IGFBP2: variants seen among roughly 807,000 people sequenced by gnomAD.
The protein encoded by IGFBP2 is insulin-like growth factor-binding protein 2.
Under a neutral mutation model 26.2 loss-of-function variants are expected in IGFBP2, and 12 were observed. The observed-to-expected ratio is 0.46, with a 90% CI of 0.29 to 0.74. IGFBP2 has a LOEUF of 0.74. Among genes scored for constraint, IGFBP2 ranks in the 30% least tolerant of loss-of-function variants. IGFBP2 has a pLI of 0.09. For synonymous variants in IGFBP2, 189 were observed against 200.6 expected (o/e 0.94, Z 0.49); for missense variants, 328 against 441.2 (o/e 0.74, Z 2.30).
Position 216,661,977 on chromosome 2 carries a change from T to A in IGFBP2, c.792T>A (p.His264Gln). 2 of 1,614,190 alleles carry A rather than the reference T, an allele frequency of 1.2e-6. No individual in the cohort carries two copies. The stretch of plus-strand genomic sequence containing the variant: ...TGCACATCCCCAACTGTGACAAGCA[T>A]GGCCTGTACAACCTCAAACAGGTGA... ...YSLHIPNCDKHGLYNLKQCKM... is the reference protein window; with the variant it reads ...YSLHIPNCDKQGLYNLKQCKM... The change falls in exon 3 of 4, where the codon CAT (histidine) becomes CAA (glutamine). Residue 264 changes from histidine (H) to glutamine (Q), a missense_variant. Transcript: ENST00000233809.
At chr2:216,644,981 A>G (rs895850115) in intron 1 of IGFBP2, among the ~76,000 whole-genome samples, 2 of 152,220 alleles carry the variant, frequency 1.3e-5, no homozygotes, top group Non-Finnish European at 2.9e-5. Flanking sequence ...AGTAGTAATT[A>G]AGGCATATCT....
At chr2:216,660,860 C>A in intron 2 of IGFBP2, 74 bp downstream of exon 2, 1 of 1,135,990 alleles carries the variant, frequency 8.8e-7, no homozygotes, top group South Asian at 1.3e-5. Flanking sequence ...GGAGGGCATC[C>A]TAATAAGACC....
chr2:216,655,059 C>T (rs369832171), intron 1 of IGFBP2, among the ~76,000 whole-genome samples: 12 of 151,956 alleles, frequency 7.9e-5, no homozygotes, highest in African/African-American at 1.4e-4. Context: ...TATTATTTTT[C>T]GTTTTTGAGA....
chr2:216,644,597 G>T (rs892011780), intron 1 of IGFBP2, among the ~76,000 whole-genome samples: 3 of 151,926 alleles, frequency 2.0e-5, no homozygotes, highest in Non-Finnish European at 2.9e-5. Flanking sequence ...GACTCTGGGG[G>T]TGCAGAGAGT....
Position 216,633,690 on chromosome 2 carries a change from C to T in IGFBP2, c.167C>T (p.Pro56Leu). 8.6e-7 allele frequency: 1 copy of T among 1,160,716 alleles called. No homozygotes were observed. The highest frequency in any genetic ancestry group is 1.1e-6 in the Non-Finnish European group (1 of 944,446). 71.9% of individuals were successfully genotyped at this position (1,160,716 alleles called of 1,614,324 possible). ...GAGCGCCTGGCCGCCTGCGGGCCCC[C>T]GCCGGTTGCGCCGCCCGCCGCGGTG... ...TPERLAACGP[P>L]PVAPPAAVAA... Residue 56 changes from proline (P) to leucine (L), a missense_variant, in exon 1 of 4, where the codon CCG (proline) becomes CTG (leucine). Transcript: ENST00000233809.
chr2:216,647,808 C>T (rs1459122843), intron 1 of IGFBP2, among the ~76,000 whole-genome samples: 7 of 152,206 alleles, frequency 4.6e-5, no homozygotes, highest in Admixed American at 4.6e-4. Flanking sequence ...GGGTGAGCCA[C>T]TGCGCCCGGC....
chr2:216,633,480 C>A lies in IGFBP2; in HGVS notation c.-44C>A. ...AGGGCCGTGCCACCTGCCCGCCCGC[C>A]CGCTCGCTCGCTCGCCCGCCGCGCC... On this transcript the variant is annotated 5_prime_UTR_variant, in exon 1 of 4. Coordinates refer to ENST00000233809, the MANE Select transcript of IGFBP2 (RefSeq NM_000597.3). 2.0e-6 allele frequency: 1 copy of A among 500,552 alleles called. No individual in the cohort carries two copies. Among genetic ancestry groups the A allele is most frequent in the Non-Finnish European group, 2.6e-6 (1 of 384,154 alleles). 31.0% of individuals were successfully genotyped at this position (500,552 alleles called of 1,614,324 possible). A position where few individuals can be genotyped will look rare whatever the true frequency, so the allele number is the denominator to read the frequency against.
chr2:216,637,364 C>T (rs554608268), intron 1 of IGFBP2, among the ~76,000 whole-genome samples: 1 of 152,336 alleles, frequency 6.6e-6, no homozygotes, highest in African/African-American at 2.4e-5. Context: ...CAGGGCCTCT[C>T]TGAAGGGTGT....
chr2:216,634,845 C>T (rs1697461257), intron 1 of IGFBP2, among the ~76,000 whole-genome samples: 1 of 144,442 alleles, frequency 6.9e-6, no homozygotes, highest in African/African-American at 2.6e-5. Context: ...GCCCTCATCC[C>T]TCCCAAAAAG....
intron 1 of IGFBP2, among the ~76,000 whole-genome samples, chr2:216,654,201 C>A (rs1222847387): frequency 6.6e-6 from 1 of 152,088 alleles, no homozygotes; most frequent in South Asian, 2.1e-4. Flanking sequence ...ATGGGAAGAA[C>A]TTGGTAACAT....
chr2:216,634,082 ATCAAGGGGGACTG>A, intron 1 of IGFBP2, 117 bp downstream of exon 1: 1 of 1,381,440 alleles, frequency 7.2e-7, no homozygotes, highest in Non-Finnish European at 9.4e-7. Flanking sequence ...CTTGGACCAA[ATCAAGGGGGACTG>A]TTGCTAGCGG....
chr2:216,652,907 G>A lies in IGFBP2; in HGVS notation c.443-7650G>A, dbSNP rs9341173. ...GGTGAGTTCATTGGAGGAATGATAA[G>A]TTCAGGGTTGGCTTAGATCATCTCT... On this transcript the variant is annotated intron_variant, in intron 1 of 3. Coordinates refer to ENST00000233809, the MANE Select transcript of IGFBP2 (RefSeq NM_000597.3). Among the ~76,000 whole-genome samples the A allele has an allele frequency of 7.5e-3, 1,137 of 152,242 alleles. 23 individuals are homozygous for A. The highest frequency in any genetic ancestry group is 0.026 in the African/African-American group (1,079 of 41,564).
intron 1 of IGFBP2, among the ~76,000 whole-genome samples, chr2:216,654,707 G>T (rs1467312117): frequency 6.6e-6 from 1 of 152,214 alleles, no homozygotes; most frequent in East Asian, 1.9e-4. Flanking sequence ...GCATGGTCTT[G>T]TTAAACCATC....
At chr2:216,657,597 T>C (rs1697943187) in intron 1 of IGFBP2, among the ~76,000 whole-genome samples, 2 of 152,120 alleles carry the variant, frequency 1.3e-5, no homozygotes, top group South Asian at 4.1e-4. Context: ...CCTGCCTCTC[T>C]GGGTCCCTGG....
Position 216,661,858 on chromosome 2 carries a change from A to G in IGFBP2, c.673A>G (p.Thr225Ala). The change falls in exon 3 of 4, where the codon ACT (threonine) becomes GCT (alanine). Residue 225 changes from threonine (T) to alanine (A), a missense_variant and splice_region_variant. Thr to Ala is a moderately conservative substitution (Grantham distance 58). Transcript: ENST00000233809. ...CGTCCCCTGCTGTCTGTGCGTGCAG[A>G]CTCCCTGCCAACAGGAACTGGACCA... is the stretch of plus-strand genomic sequence containing the variant. Reference protein sequence around the residue: ...PKKLRPPPARTPCQQELDQVL... With the variant: ...PKKLRPPPARAPCQQELDQVL... 1.9e-6 allele frequency: 3 copies of G among 1,613,766 alleles called. No individual in the cohort carries two copies. The highest frequency in any genetic ancestry group is 1.3e-5 in the African/African-American group (1 of 74,906).
intron 1 of IGFBP2, among the ~76,000 whole-genome samples, chr2:216,638,848 T>A (rs34513520): frequency 7.3e-6 from 1 of 136,414 alleles, no homozygotes; most frequent in Admixed American, 7.4e-5. Flanking sequence ...TACAGGCACC[T>A]GCCACCACGC....
Position 216,664,166 on chromosome 2 carries a change from A to G in IGFBP2, c.*62A>G. ...GCCCCTCTCCAAACACCGGCAGAAA[A>G]CGGAGAGTGCTTGGGTGGTGGGTGC... On this transcript the variant is annotated 3_prime_UTR_variant, in exon 4 of 4. Transcript: ENST00000233809. The surrounding 1 kb of genome is among the most constrained non-coding windows in gnomAD (Gnocchi z 4.6). 1 of 1,369,770 alleles carries G rather than the reference A, an allele frequency of 7.3e-7. No individual in the cohort carries two copies. Among genetic ancestry groups the G allele is most frequent in the Non-Finnish European group, 9.9e-7 (1 of 1,015,052 alleles). 84.9% of individuals were successfully genotyped at this position (1,369,770 alleles called of 1,614,324 possible).
In IGFBP2 at chr2:216,660,682, G is replaced by A. The variant is rs370035123; in HGVS notation, c.568G>A (p.Val190Met). 374 of 1,613,954 alleles carry A rather than the reference G, an allele frequency of 2.3e-4. 1 individual carries two copies. The highest frequency in any genetic ancestry group is 3.1e-4 in the Non-Finnish European group (367 of 1,180,022). ...CAAGTCGGGTATGAAGGAGCTGGCC[G>A]TGTTCCGGGAGAAGGTCACTGAGCA... ...PLKSGMKELAVFREKVTEQHR... is the reference protein window; with the variant it reads ...PLKSGMKELAMFREKVTEQHR... The change falls in exon 2 of 4, where the codon GTG (valine) becomes ATG (methionine). Residue 190 changes from valine (V) to methionine (M), a missense_variant. Val to Met is a conservative substitution (Grantham distance 21, BLOSUM62 1). Transcript: ENST00000233809.
At chr2:216,653,740 C>G (rs141840655) in intron 1 of IGFBP2, among the ~76,000 whole-genome samples, 2 of 152,266 alleles carry the variant, frequency 1.3e-5, no homozygotes, top group African/African-American at 4.8e-5. Context: ...CCCTTCAAGC[C>G]CCCGACTAAT....
Sources: allele counts gnomAD v4.1 joint callset (sites outside exome capture counted in the v4.1 genomes callset), GRCh38; gene constraint gnomAD v4.1.1; non-coding constraint Gnocchi (gnomAD v3.1); transcripts MANE v1.5; gene names NCBI Gene and HGNC (gene_info 2026-07-23, HGNC 2026-07-21).